Variants in EIF5B observed in about 807,000 individuals in gnomAD.
EIF5B encodes the protein eIF-5B.
A neutral mutation model predicts 147.5 loss-of-function variants in EIF5B; 47 were observed. The observed-to-expected ratio is 0.32, with a 90% CI of 0.25 to 0.41. The LOEUF (loss-of-function observed/expected upper bound fraction) is 0.41, where lower values mean the gene tolerates loss of function less well. EIF5B is among the 10% of genes least tolerant of loss of function. EIF5B has a pLI of 1.00. For missense variants in EIF5B, 1,064 were observed against 1,413.2 expected (o/e 0.75, Z 3.96); for synonymous variants, 455 against 456.2 (o/e 1.00, Z 0.03).
chr2:99,383,020 TTATTGTGCTTCACTA>T (rs148544035), intron 14 of EIF5B, 99 bp downstream of exon 14: 45,106 of 1,262,736 alleles, frequency 0.036, 1,118 homozygotes, highest in Non-Finnish European at 0.041. Flanking sequence ...ATAGCTCATT[TTATTGTGCTTCACTA>T]TATTGTGCTT....
intron 1 of EIF5B, among the ~76,000 whole-genome samples, chr2:99,354,365 A>G (rs1193434926): frequency 2.0e-5 from 3 of 152,094 alleles, no homozygotes; most frequent in Non-Finnish European, 2.9e-5. Context: ...CCTTTTGCCC[A>G]TTTTTTAATT....
chr2:99,373,454 A>G (rs933481383), intron 9 of EIF5B, among the ~76,000 whole-genome samples: 1 of 151,980 alleles, frequency 6.6e-6, no homozygotes, highest in African/African-American at 2.4e-5. Context: ...AGAGGAGCAA[A>G]CTCTCTTTGA....
At chr2:99,399,102 G>A (rs1675137467) in intron 23 of EIF5B, 193 bp downstream of exon 23, 1 of 804,800 alleles carries the variant, frequency 1.2e-6, no homozygotes, top group Non-Finnish European at 1.9e-6. Flanking sequence ...AGCACCAACA[G>A]AGAAAGCTAG....
chr2:99,362,015 A>G (rs186193029), intron 4 of EIF5B, among the ~76,000 whole-genome samples, 195 bp downstream of exon 4: 2 of 152,352 alleles, frequency 1.3e-5, no homozygotes, highest in Non-Finnish European at 2.9e-5. Flanking sequence ...TAGTATAAAT[A>G]TCTTTCAGAT....
At chr2:99,379,241 G>A (rs973855751) in intron 11 of EIF5B, 77 bp from the exon 12 acceptor site, 17 of 1,446,608 alleles carry the variant, frequency 1.2e-5, no homozygotes, top group Non-Finnish European at 1.5e-5. Context: ...CAATAAATAA[G>A]TTGCTAATTT....
intron 6 of EIF5B, among the ~76,000 whole-genome samples, chr2:99,367,768 A>G (rs1574928982): frequency 6.6e-6 from 1 of 152,148 alleles, no homozygotes; most frequent in Admixed American, 6.5e-5. Context: ...ACTCTTCTGC[A>G]TTAGTGGTGG....
At chr2:99,391,497 CAG>C (rs1326379370) in intron 17 of EIF5B, among the ~76,000 whole-genome samples, 1 of 152,160 alleles carries the variant, frequency 6.6e-6, no homozygotes, top group Admixed American at 6.5e-5. Flanking sequence ...GATGGAGAAT[CAG>C]AACGCTGCTG....
Position 99,368,605 on chromosome 2 carries a change from A to G in EIF5B, c.1387+14A>G. ...AAAGTAAAGAAGGTTTGTATACAAAATAGCCTCTAATTTAGGAAATATGTT... is the reference window on the plus strand; with the variant it reads ...AAAGTAAAGAAGGTTTGTATACAAAGTAGCCTCTAATTTAGGAAATATGTT... On this transcript the variant is annotated intron_variant, in intron 7 of 23. Transcript: ENST00000289371. The G allele has an allele frequency of 1.3e-6, 2 of 1,566,428 alleles. No individual in the cohort carries two copies. Among genetic ancestry groups the G allele is most frequent in the Non-Finnish European group, 1.8e-6 (2 of 1,138,854 alleles).
Position 99,390,372 on chromosome 2 carries a change from T to A in EIF5B, c.2557T>A (p.Cys853Ser), listed in dbSNP as rs766616065. 20 of 1,613,972 alleles carry A rather than the reference T, an allele frequency of 1.2e-5. No homozygotes were observed. The highest frequency in any genetic ancestry group is 1.5e-5 in the Non-Finnish European group (18 of 1,180,008). The change falls in exon 16 of 24, where the codon TGT becomes AGT. Residue 853 changes from cysteine to serine, a missense_variant. By Grantham distance (112) the Cys-to-Ser change is moderately radical. Transcript: ENST00000289371. ...QTMLSKRLAH[C>S]EELRAQVMEV... ...CATGTTGAGCAAGAGACTTGCACAC[T>A]GTGAAGAGCTGAGAGCACAGGTGAT...
intron 9 of EIF5B, among the ~76,000 whole-genome samples, chr2:99,375,160 A>C (rs1418370901): frequency 3.3e-5 from 5 of 151,944 alleles, no homozygotes; most frequent in Non-Finnish European, 7.4e-5. Context: ...TGATTTTATG[A>C]CTTTATTAAA....
At chr2:99,390,423 T>G in intron 16 of EIF5B, 22 bp downstream of exon 16, 1 of 1,540,232 alleles carries the variant, frequency 6.5e-7, no homozygotes, top group Admixed American at 2.2e-5. Context: ...CTTTTCAGTT[T>G]ATTGTTTTTT....
intron 9 of EIF5B, among the ~76,000 whole-genome samples, chr2:99,374,160 G>A (rs1033260332): frequency 6.6e-6 from 1 of 151,906 alleles, no homozygotes; most frequent in Non-Finnish European, 1.5e-5. Flanking sequence ...GTGGTGGCGT[G>A]CGCCTGTAAT....
At position 99,383,061 on chromosome 2, in the gene EIF5B, TG is replaced by T. The variant is rs1381530208; in HGVS notation, c.2271+141del. 1.3e-5 allele frequency: 12 copies of T among 902,694 alleles called. No homozygotes were observed. In the African/African-American group the frequency reaches 2.1e-4, roughly 16 times the overall value. 55.9% of individuals were successfully genotyped at this position (902,694 alleles called of 1,614,324 possible). On this transcript the variant is annotated intron_variant, in intron 14 of 23. Coordinates refer to ENST00000289371, the MANE Select transcript of EIF5B (RefSeq NM_015904.4). ...TATTGTGCTTCACAGATATTGTGTGTGTGTGTGTATTTGTGTATAGTTTTTT... is the reference window on the plus strand; with the variant it reads ...TATTGTGCTTCACAGATATTGTGTGTTGTGTGTATTTGTGTATAGTTTTTT...
chr2:99,394,434 G>T, intron 19 of EIF5B, 36 bp downstream of exon 19: 1 of 1,613,356 alleles, frequency 6.2e-7, no homozygotes, highest in African/African-American at 1.3e-5. Flanking sequence ...AGTGAATGGT[G>T]GTTGGTCGTG....
intron 14 of EIF5B, among the ~76,000 whole-genome samples, chr2:99,386,290 G>A (rs1046616616): frequency 6.6e-6 from 1 of 152,102 alleles, no homozygotes; most frequent in Non-Finnish European, 1.5e-5. Context: ...GACCATATCT[G>A]TTTCTTTGAA....
At chr2:99,384,278 T>G (rs1242742621) in intron 14 of EIF5B, among the ~76,000 whole-genome samples, 1 of 152,056 alleles carries the variant, frequency 6.6e-6, no homozygotes, top group Non-Finnish European at 1.5e-5. Context: ...CGTCTATTCA[T>G]AGCATGGTTT....
At chr2:99,349,495 T>G (rs952596928) in intron 1 of EIF5B, among the ~76,000 whole-genome samples, 2 of 152,258 alleles carry the variant, frequency 1.3e-5, no homozygotes, top group African/African-American at 2.4e-5. Flanking sequence ...TTGTAATATG[T>G]GTCTTTAAAA....
intron 9 of EIF5B, among the ~76,000 whole-genome samples, chr2:99,375,758 T>C (rs1674551992): frequency 1.3e-5 from 2 of 152,228 alleles, no homozygotes; most frequent in South Asian, 2.1e-4. Context: ...ACCTTGCGTT[T>C]ATGATGTATG....
intron 10 of EIF5B, among the ~76,000 whole-genome samples, chr2:99,378,443 A>G (rs568430290): frequency 6.6e-6 from 1 of 152,234 alleles, no homozygotes; most frequent in Admixed American, 6.5e-5. Flanking sequence ...ACTGGTGTTC[A>G]TAAAGTGGTA....
Sources: allele counts gnomAD v4.1 joint callset (sites outside exome capture counted in the v4.1 genomes callset), GRCh38; gene constraint gnomAD v4.1.1; transcripts MANE v1.5; gene names NCBI Gene and HGNC (gene_info 2026-07-23, HGNC 2026-07-21).